The following GTF2IRD2 variants were observed in gnomAD, a reference collection of about 807,000 sequenced individuals.
GTF2IRD2 encodes general transcription factor II-I repeat domain-containing protein 2A.
GTF2IRD2 carries 8 observed loss-of-function variants against 49.2 expected under a neutral mutation model. That is an observed-to-expected ratio of 0.16 (90% CI 0.10 to 0.29). GTF2IRD2 has a LOEUF of 0.29. Among genes scored for constraint, GTF2IRD2 ranks in the 10% least tolerant of loss-of-function variants. GTF2IRD2 has a pLI of 1.00. For synonymous variants in GTF2IRD2, 47 were observed against 289.7 expected (o/e 0.16, Z 8.51); for missense variants, 130 against 725.7 (o/e 0.18, Z 9.43).
At chr7:74,822,128 G>A (rs1244245234) in intron 6 of GTF2IRD2, 2 of 284,628 alleles carry the variant, frequency 7.0e-6, no homozygotes, top group South Asian at 3.1e-5. Context: ...CTCACTGCAA[G>A]CTCCACCTCC....
intron 1 of GTF2IRD2, among the ~76,000 whole-genome samples, chr7:74,840,570 A>G (rs1800732163): frequency 8.3e-6 from 1 of 120,324 alleles, no homozygotes; most frequent in Non-Finnish European, 1.7e-5. Flanking sequence ...CCTTCCTGGG[A>G]CAGTCCTTAG....
chr7:74,798,638 A>T (rs1470091623), intron 15 of GTF2IRD2, among the ~76,000 whole-genome samples: 2 of 148,546 alleles, frequency 1.3e-5, no homozygotes, highest in African/African-American at 2.5e-5. Flanking sequence ...CCTCCTGAGT[A>T]GCTGTTATGA....
At position 74,798,194 on chromosome 7, in the gene GTF2IRD2, C is replaced by T. The variant is rs782013357; in HGVS notation, c.1318G>A (p.Glu440Lys). 1.1e-6 allele frequency: 1 copy of T among 928,102 alleles called. No individual in the cohort carries two copies. Among genetic ancestry groups the T allele is most frequent in the East Asian group, 2.4e-5 (1 of 40,970 alleles). 57.5% of individuals were successfully genotyped at this position (928,102 alleles called of 1,614,324 possible). The change falls in exon 16 of 16, where the codon GAA becomes AAA. Residue 440 changes from glutamate to lysine, a missense_variant. Physicochemically the swap from Glu to Lys is moderately conservative, Grantham distance 56. Coordinates refer to ENST00000451013, the MANE Select transcript of GTF2IRD2 (RefSeq NM_173537.5). ...EKWERAYFFVEVQNIPTCLIC... is the reference protein window; with the variant it reads ...EKWERAYFFVKVQNIPTCLIC... ...AGACATGTTGGAATATTCTGTACTT[C>T]CACGAAGAAATACGCTCTCTCCCAC...
chr7:74,824,114 C>G (rs1269982630), intron 4 of GTF2IRD2, among the ~76,000 whole-genome samples: 2 of 122,162 alleles, frequency 1.6e-5, no homozygotes, highest in Non-Finnish European at 3.4e-5. Context: ...TGCAGTGAGC[C>G]GAGATTGAGC....
intron 3 of GTF2IRD2, among the ~76,000 whole-genome samples, chr7:74,831,500 T>TACAC (rs1424504247): frequency 4.4e-5 from 5 of 113,318 alleles, no homozygotes; most frequent in African/African-American, 1.8e-4. Flanking sequence ...CCTCTCTCTG[T>TACAC]ACATACACAC....
intron 3 of GTF2IRD2, among the ~76,000 whole-genome samples, chr7:74,831,510 C>T (rs1584400620): frequency 6.9e-6 from 1 of 143,922 alleles, no homozygotes; most frequent in African/African-American, 2.6e-5. Context: ...TACATACACA[C>T]ACACACACAC....
chr7:74,815,797 G>GGAAGGAAAGAAA (rs1360006859), intron 8 of GTF2IRD2, among the ~76,000 whole-genome samples: 3 of 45,882 alleles, frequency 6.5e-5, no homozygotes, highest in Admixed American at 5.1e-4. Flanking sequence ...AAAGAAAGAA[G>GGAAGGAAAGAAA]GAAAGAAAGA....
intron 3 of GTF2IRD2, among the ~76,000 whole-genome samples, chr7:74,825,404 AC>A: frequency 8.8e-6 from 1 of 113,448 alleles, no homozygotes; most frequent in African/African-American, 3.4e-5. Flanking sequence ...GCCCCATCAC[AC>A]CTGGCTAACT....
chr7:74,822,541 G>A, intron 5 of GTF2IRD2, 83 bp downstream of exon 5: 3 of 604,790 alleles, frequency 5.0e-6, no homozygotes, highest in Non-Finnish European at 8.7e-6. Context: ...AACGCAGCAG[G>A]CGGGATGCAC....
intron 3 of GTF2IRD2, among the ~76,000 whole-genome samples, chr7:74,825,823 CAG>C (rs1554419500): frequency 7.9e-6 from 1 of 126,694 alleles, no homozygotes; most frequent in Non-Finnish European, 1.6e-5. Context: ...TTTTTTGAGA[CAG>C]AGTCTCGCTG....
chr7:74,813,479 A>AT (rs1226394681), intron 8 of GTF2IRD2, among the ~76,000 whole-genome samples: 1 of 62,640 alleles, frequency 1.6e-5, no homozygotes, highest in African/African-American at 3.7e-5. Flanking sequence ...GTTTTGGGAG[A>AT]TTTTCCCCTT....
chr7:74,842,119 G>A (rs587711135), intron 1 of GTF2IRD2, among the ~76,000 whole-genome samples: 67 of 37,770 alleles, frequency 1.8e-3, no homozygotes, highest in Non-Finnish European at 1.9e-3. Context: ...GTGAGACTCC[G>A]TCTCACAAAA....
At chr7:74,799,224 A>T (rs1797306960) in intron 15 of GTF2IRD2, 1 of 128,804 alleles carries the variant, frequency 7.8e-6, no homozygotes. Flanking sequence ...TGTTATGTCC[A>T]GTTTAAACAG....
Position 74,837,972 on chromosome 7 carries a change from G to A in GTF2IRD2, c.-5-1589C>T, listed in dbSNP as rs1240506372. Among the ~76,000 whole-genome samples the A allele has an allele frequency of 1.5e-4, 13 of 88,062 alleles. 1 individual carries two copies. The highest frequency in any genetic ancestry group is 3.7e-4 in the South Asian group (1 of 2,670). The allele number at this position is 88,062 out of a possible 152,430, so 57.8% of individuals were successfully genotyped here. A position where few individuals can be genotyped will look rare whatever the true frequency, so the allele number is the denominator to read the frequency against. On this transcript the variant is annotated intron_variant, in intron 1 of 15. Coordinates refer to ENST00000451013, the MANE Select transcript of GTF2IRD2 (RefSeq NM_173537.5). ...TCACCATGTTAGCCAGGATGGTCTCGATCTCCTGACCGCGTGATCCGCCCA... is the reference window on the plus strand; with the variant it reads ...TCACCATGTTAGCCAGGATGGTCTCAATCTCCTGACCGCGTGATCCGCCCA...
rs1462794954 is a variant in GTF2IRD2 at position 74,851,465 on chromosome 7, G to T, written c.-104C>A. The T allele has an allele frequency of 1.3e-4, 6 of 44,606 alleles. 3 individuals carry two copies. The highest frequency in any genetic ancestry group is 2.3e-4 in the Non-Finnish European group (6 of 26,102). 2.8% of individuals were successfully genotyped at this position (44,606 alleles called of 1,614,324 possible). A position where few individuals can be genotyped will look rare whatever the true frequency, so the allele number is the denominator to read the frequency against. On this transcript the variant is annotated 5_prime_UTR_variant, in exon 1 of 16. Transcript: ENST00000451013. The stretch of plus-strand genomic sequence containing the variant: ...AGGGCGGCGGCCGAGAGCCCCGCGC[G>T]GGGGACGAGCACGCTTCGGGGCGTG...
At position 74,824,196 on chromosome 7, in the gene GTF2IRD2, C is replaced by T. The variant is rs2523363; in HGVS notation, c.358+737G>A. ...AAAAAAAAGAACTGGTGGCCAGGCACGGCGGCTCACACCTGTAATCTCAGC... is the reference window on the plus strand; with the variant it reads ...AAAAAAAAGAACTGGTGGCCAGGCATGGCGGCTCACACCTGTAATCTCAGC... On this transcript the variant is annotated intron_variant, in intron 4 of 15. Coordinates refer to ENST00000451013, the MANE Select transcript of GTF2IRD2 (RefSeq NM_173537.5). 9.7e-4 allele frequency among the ~76,000 whole-genome samples: 127 copies of T among 131,452 alleles called. 1 individual carries two copies. The highest frequency in any genetic ancestry group is 3.9e-3 in the South Asian group (15 of 3,874). 86.2% of individuals were successfully genotyped at this position (131,452 alleles called of 152,430 possible). A position where few individuals can be genotyped will look rare whatever the true frequency, so the allele number is the denominator to read the frequency against.
intron 3 of GTF2IRD2, among the ~76,000 whole-genome samples, chr7:74,831,508 C>T (rs1430367766): frequency 3.1e-5 from 4 of 130,594 alleles, no homozygotes; most frequent in African/African-American, 5.3e-5. Context: ...TGTACATACA[C>T]ACACACACAC....
At position 74,831,221 on chromosome 7, in the gene GTF2IRD2, T is replaced by C. The variant is rs1799815573; in HGVS notation, c.238+1584A>G. On this transcript the variant is annotated intron_variant, in intron 3 of 15. Transcript: ENST00000451013. ...TCTCATCTCTCTCTCTCTCTCTCTA[T>C]CCATTCATCTAATCTATCTATATAC... Among the ~76,000 whole-genome samples, 3 of 150,798 alleles carry C rather than the reference T, an allele frequency of 2.0e-5. No homozygotes were observed. The Admixed American group carries it at 2.0e-4, about 10-fold the overall frequency.
rs587771705 is a variant in GTF2IRD2, at chr7:74,834,785, T to G, written c.99+1495A>C. 1.8e-4 allele frequency among the ~76,000 whole-genome samples: 19 copies of G among 107,026 alleles called. No individual in the cohort carries two copies. The East Asian group carries it at 4.1e-3, about 23-fold the overall frequency. The allele number at this position is 107,026 out of a possible 152,430, so 70.2% of individuals were successfully genotyped here. A position where few individuals can be genotyped will look rare whatever the true frequency, so the allele number is the denominator to read the frequency against. On this transcript the variant is annotated intron_variant, in intron 2 of 15. Coordinates refer to ENST00000451013, the MANE Select transcript of GTF2IRD2 (RefSeq NM_173537.5). ...GTCATGATAGCTCATGATAGCTTAC[T>G]GCAGACTTGAACTCCTGGGCTCAAG... is the stretch of plus-strand genomic sequence containing the variant.
Sources: allele counts gnomAD v4.1 joint callset (sites outside exome capture counted in the v4.1 genomes callset), GRCh38; gene constraint gnomAD v4.1.1; transcripts MANE v1.5; gene names NCBI Gene and HGNC (gene_info 2026-07-23, HGNC 2026-07-21).